The following TRPM3 variants were observed in gnomAD, a reference collection of about 807,000 sequenced individuals.
TRPM3 encodes long transient receptor potential channel 3.
In TRPM3, 77 loss-of-function variants were observed where a neutral mutation model predicts 181.2. The observed-to-expected ratio is 0.42, with a 90% CI of 0.35 to 0.51. The LOEUF (loss-of-function observed/expected upper bound fraction) is 0.51. Among genes scored for constraint, TRPM3 ranks in the 20% least tolerant of loss-of-function variants. The pLI, the probability that TRPM3 is intolerant of heterozygous loss-of-function variation, is 0.01. For synonymous variants in TRPM3, 745 were observed against 796.4 expected (o/e 0.94, Z 1.09); for missense variants, 1,759 against 2,196.7 (o/e 0.80, Z 3.98).
chr9:71,273,651 T>TC (rs2083970381), intron 1 of TRPM3, among the ~76,000 whole-genome samples: 1 of 152,136 alleles, frequency 6.6e-6, no homozygotes, highest in Non-Finnish European at 1.5e-5. Flanking sequence ...ATTAATCCAC[T>TC]CCCCAAAGCG....
intron 1 of TRPM3, among the ~76,000 whole-genome samples, chr9:70,941,913 GA>G (rs930206216): frequency 2.0e-5 from 3 of 150,998 alleles, no homozygotes; most frequent in East Asian, 1.9e-4. Context: ...TCTATTTCTT[GA>G]AAAAAAAATT....
At chr9:71,056,111 G>A (rs549701239) in intron 1 of TRPM3, among the ~76,000 whole-genome samples, 2 of 151,884 alleles carry the variant, frequency 1.3e-5, no homozygotes, top group African/African-American at 4.8e-5. Flanking sequence ...AGTATCTGAC[G>A]GCAGAGCATG....
rs1212176132 is a variant in TRPM3, at chr9:70,625,617, A to T, written c.1633-100T>A. ...CAAGTCTTCAGCTGGGGAGAAAAAA[A>T]CACCAGTGTAGAAGAAAGAAACACA... On this transcript the variant is annotated intron_variant, in intron 12 of 25. Coordinates refer to ENST00000677713, the MANE Select transcript of TRPM3 (RefSeq NM_001366145.2). The surrounding 1 kb of genome is among the most constrained non-coding windows in gnomAD (Gnocchi z 4.8). 1 of 1,213,698 alleles carries T rather than the reference A, an allele frequency of 8.2e-7. No individual in the cohort carries two copies. The highest frequency in any genetic ancestry group is 1.2e-6 in the Non-Finnish European group (1 of 841,380). 75.2% of individuals were successfully genotyped at this position (1,213,698 alleles called of 1,614,324 possible).
intron 6 of TRPM3, among the ~76,000 whole-genome samples, chr9:70,791,817 A>AT (rs891438887): frequency 3.9e-5 from 6 of 152,080 alleles, no homozygotes; most frequent in African/African-American, 9.7e-5. Flanking sequence ...GGCAAACTGT[A>AT]TTTTTTTCTG....
At chr9:71,227,774 A>C (rs1461802882) in intron 1 of TRPM3, among the ~76,000 whole-genome samples, 1 of 152,182 alleles carries the variant, frequency 6.6e-6, no homozygotes, top group Admixed American at 6.5e-5. Flanking sequence ...CACCCTACCA[A>C]GATTTAATTA....
At chr9:70,800,599 AGAT>A (rs2088661972) in intron 6 of TRPM3, among the ~76,000 whole-genome samples, 1 of 152,196 alleles carries the variant, frequency 6.6e-6, no homozygotes, top group African/African-American at 2.4e-5. Flanking sequence ...CTCGGTATGA[AGAT>A]GATGAGGATG....
At chr9:71,265,176 A>G (rs1483418133) in intron 1 of TRPM3, among the ~76,000 whole-genome samples, 1 of 152,210 alleles carries the variant, frequency 6.6e-6, no homozygotes, top group African/African-American at 2.4e-5. Context: ...AAAGCCACTC[A>G]TATTACTTAC....
Position 70,640,605 on chromosome 9 carries a change from G to A in TRPM3, c.1401C>T (p.Val467=), listed in dbSNP as rs2057914186. 3 of 1,613,742 alleles carry A rather than the reference G, an allele frequency of 1.9e-6. No individual in the cohort carries two copies. The highest frequency in any genetic ancestry group is 2.5e-6 in the Non-Finnish European group (3 of 1,179,812). The stretch of plus-strand genomic sequence containing the variant: ...TAAAGATCTGGCTGCGAGCGATGTC[G>A]ACTCTGTTCCAGGCTAAAGCTAAGC... The part of the protein sequence containing the change: ...QLSLALAWNR[V]DIARSQIFIY... The change falls in exon 10 of 26, where the codon GTC becomes GTT. Residue 467 remains valine, a synonymous_variant. Transcript: ENST00000677713.
intron 1 of TRPM3, among the ~76,000 whole-genome samples, chr9:71,319,133 T>C (rs2088944773): frequency 6.8e-6 from 1 of 146,232 alleles, no homozygotes; most frequent in Non-Finnish European, 1.5e-5. Flanking sequence ...GGCAAATTGA[T>C]GAGCTGAAAT....
chr9:70,995,682 T>G (rs1208266290), intron 1 of TRPM3, among the ~76,000 whole-genome samples: 2 of 152,206 alleles, frequency 1.3e-5, no homozygotes, highest in Non-Finnish European at 2.9e-5. Context: ...ATTAGCTATG[T>G]CAGAGGTTCC....
At chr9:70,748,238 A>C (rs1304099059) in intron 8 of TRPM3, among the ~76,000 whole-genome samples, 2 of 152,174 alleles carry the variant, frequency 1.3e-5, no homozygotes, top group Non-Finnish European at 2.9e-5. Context: ...CATTTATTCC[A>C]TTAGCACAAT....
chr9:70,934,513 T>C (rs2096806140), intron 1 of TRPM3, among the ~76,000 whole-genome samples: 1 of 152,200 alleles, frequency 6.6e-6, no homozygotes, highest in Admixed American at 6.5e-5. Flanking sequence ...AGCTTGGGAA[T>C]CAGCTAGACA....
intron 1 of TRPM3, among the ~76,000 whole-genome samples, chr9:71,137,438 A>G (rs1053115973): frequency 6.7e-6 from 1 of 149,114 alleles, no homozygotes; most frequent in Non-Finnish European, 1.5e-5. Flanking sequence ...TCTAAGCATA[A>G]CACAGTAACA....
chr9:71,140,922 C>T (rs7848316), intron 1 of TRPM3, among the ~76,000 whole-genome samples: 16 of 152,146 alleles, frequency 1.1e-4, no homozygotes, highest in African/African-American at 3.6e-4. Context: ...TTTAAAGGAG[C>T]ATTCCTGAGC....
intron 22 of TRPM3, among the ~76,000 whole-genome samples, chr9:70,588,513 T>C (rs962375821): frequency 6.7e-6 from 1 of 149,422 alleles, no homozygotes; most frequent in Non-Finnish European, 1.5e-5. Flanking sequence ...CCGTTAGAAA[T>C]GAGTCACTCT....
intron 1 of TRPM3, among the ~76,000 whole-genome samples, chr9:71,109,731 C>T (rs908752938): frequency 2.3e-4 from 35 of 151,926 alleles, no homozygotes; most frequent in African/African-American, 7.7e-4. Flanking sequence ...GAGACGGTAA[C>T]AGGGGCAAAT....
At chr9:71,075,502 G>A (rs1475852771) in intron 1 of TRPM3, among the ~76,000 whole-genome samples, 2 of 152,062 alleles carry the variant, frequency 1.3e-5, no homozygotes, top group Non-Finnish European at 2.9e-5. Context: ...TGTGGATTTC[G>A]ATAATAAATC....
At chr9:71,273,153 GAGCCCA>G (rs1252429250) in intron 1 of TRPM3, among the ~76,000 whole-genome samples, 1 of 152,106 alleles carries the variant, frequency 6.6e-6, no homozygotes, top group African/African-American at 2.4e-5. Context: ...TGGGATTTAT[GAGCCCA>G]GCCTATTAAA....
chr9:71,003,560 T>G (rs747560520), intron 1 of TRPM3, among the ~76,000 whole-genome samples: 1 of 152,158 alleles, frequency 6.6e-6, no homozygotes, highest in Non-Finnish European at 1.5e-5. Flanking sequence ...ATCAGCAATG[T>G]AGGAGAGTGG....
Sources: allele counts gnomAD v4.1 joint callset (sites outside exome capture counted in the v4.1 genomes callset), GRCh38; gene constraint gnomAD v4.1.1; non-coding constraint Gnocchi (gnomAD v3.1); transcripts MANE v1.5; gene names NCBI Gene and HGNC (gene_info 2026-07-23, HGNC 2026-07-21).